The following SUGCT variants were observed in gnomAD, a reference collection of about 807,000 sequenced individuals.
The protein encoded by SUGCT is succinyl-CoA:glutarate CoA-transferase.
A neutral mutation model predicts 55.0 loss-of-function variants in SUGCT; 41 were observed. That is an observed-to-expected ratio of 0.74 (90% CI 0.58 to 0.97). SUGCT has a LOEUF of 0.97. Ranked by LOEUF, SUGCT falls within the 50% of genes least tolerant of loss-of-function variation. The probability of loss-of-function intolerance (pLI) is 0.00; values close to 1 mark genes in which losing one functional copy is unlikely to be tolerated. For synonymous variants in SUGCT, 187 were observed against 200.4 expected (o/e 0.93, Z 0.56); for missense variants, 568 against 547.8 (o/e 1.04, Z -0.37).
intron 9 of SUGCT, among the ~76,000 whole-genome samples, chr7:40,363,537 A>G (rs1046829454): frequency 2.0e-5 from 3 of 152,174 alleles, no homozygotes; most frequent in African/African-American, 7.2e-5. Flanking sequence ...GGTTTCAAAG[A>G]ACATCTTTAT....
chr7:40,685,854 A>G (rs956981529), intron 12 of SUGCT, among the ~76,000 whole-genome samples: 6 of 152,194 alleles, frequency 3.9e-5, no homozygotes, highest in Admixed American at 6.5e-5. Context: ...CCTGGCCAAC[A>G]TAGCAAGACC....
chr7:41,013,768 A>T, the SUGCT span, among the ~76,000 whole-genome samples: 13 of 148,408 alleles, frequency 8.8e-5, no homozygotes, highest in East Asian at 2.6e-3. Context: ...TTTTTTTTTT[A>T]AAGAAAAGAA....
At chr7:40,439,089 TA>T (rs1788351308) in intron 9 of SUGCT, among the ~76,000 whole-genome samples, 1 of 124,330 alleles carries the variant, frequency 8.0e-6, no homozygotes, top group Non-Finnish European at 1.6e-5. Flanking sequence ...TATATATATA[TA>T]TATATATATA....
At chr7:40,329,461 G>T (rs1796192041) in intron 9 of SUGCT, among the ~76,000 whole-genome samples, 1 of 152,146 alleles carries the variant, frequency 6.6e-6, no homozygotes, top group African/African-American at 2.4e-5. Context: ...AGTGAAATAG[G>T]AACATTATAC....
intron 9 of SUGCT, among the ~76,000 whole-genome samples, chr7:40,425,926 G>C (rs1055397839): frequency 2.0e-5 from 3 of 152,094 alleles, no homozygotes; most frequent in African/African-American, 7.2e-5. Context: ...CAGCGCTTCT[G>C]TTTCCTCAAC....
At chr7:40,911,256 A>G in the SUGCT span, among the ~76,000 whole-genome samples, 2 of 152,144 alleles carry the variant, frequency 1.3e-5, no homozygotes, top group Non-Finnish European at 2.9e-5. Context: ...AGCCACCAAA[A>G]GTTGTATCAA....
the SUGCT span, among the ~76,000 whole-genome samples, chr7:40,869,157 A>G: frequency 6.6e-6 from 1 of 152,194 alleles, no homozygotes; most frequent in Non-Finnish European, 1.5e-5. Flanking sequence ...ACACTAAGTA[A>G]GTGCTTCTAT....
intron 12 of SUGCT, among the ~76,000 whole-genome samples, chr7:40,570,860 T>TC (rs1796409698): frequency 7.4e-6 from 1 of 136,020 alleles, no homozygotes; most frequent in African/African-American, 2.9e-5. Context: ...CTTTTTTTTT[T>TC]TTTTTTTTTT....
At chr7:40,625,414 G>T (rs1799481047) in intron 12 of SUGCT, among the ~76,000 whole-genome samples, 1 of 152,070 alleles carries the variant, frequency 6.6e-6, no homozygotes, top group East Asian at 1.9e-4. Context: ...TCTGCCACTG[G>T]AAGGTTCTTC....
At chr7:40,254,243 A>T (rs551590237) in intron 7 of SUGCT, among the ~76,000 whole-genome samples, 30 of 152,294 alleles carry the variant, frequency 2.0e-4, no homozygotes, top group African/African-American at 6.5e-4. Flanking sequence ...ACACATACAC[A>T]CATACACAAT....
the SUGCT span, among the ~76,000 whole-genome samples, chr7:40,947,808 C>G: frequency 3.3e-5 from 5 of 152,210 alleles, no homozygotes; most frequent in Non-Finnish European, 7.3e-5. Context: ...CCAAGAGTCT[C>G]TTCATATGTG....
At chr7:40,362,763 G>A (rs1478362662) in intron 9 of SUGCT, among the ~76,000 whole-genome samples, 1 of 151,850 alleles carries the variant, frequency 6.6e-6, no homozygotes, top group East Asian at 1.9e-4. Flanking sequence ...TGGTTTTTTT[G>A]TATATTCACA....
At chr7:40,676,511 T>G (rs538421319) in intron 12 of SUGCT, among the ~76,000 whole-genome samples, 18 of 150,592 alleles carry the variant, frequency 1.2e-4, no homozygotes, top group South Asian at 2.1e-4. Flanking sequence ...TTTGTTTTTT[T>G]TTTTTTTTTG....
chr7:40,519,196 A>G (rs1053806165), intron 12 of SUGCT, among the ~76,000 whole-genome samples: 1 of 152,114 alleles, frequency 6.6e-6, no homozygotes, highest in Non-Finnish European at 1.5e-5. Flanking sequence ...TGCCATCTCC[A>G]TGAATGACAA....
intron 13 of SUGCT, among the ~76,000 whole-genome samples, chr7:40,842,764 A>G (rs1793339844): frequency 6.6e-6 from 1 of 152,212 alleles, no homozygotes; most frequent in Non-Finnish European, 1.5e-5. Context: ...AGCTGTTAGA[A>G]TGTTTCATTT....
At chr7:40,653,124 G>A (rs1260061782) in intron 12 of SUGCT, among the ~76,000 whole-genome samples, 1 of 152,206 alleles carries the variant, frequency 6.6e-6, no homozygotes, top group African/African-American at 2.4e-5. Context: ...GCATAAGTTA[G>A]TCTCAGCACC....
the SUGCT span, among the ~76,000 whole-genome samples, chr7:40,933,444 G>A: frequency 4.5e-3 from 692 of 152,214 alleles, 2 homozygotes; most frequent in Middle Eastern, 0.017. Context: ...TATCTTTGTG[G>A]CATTCTCTGT....
the SUGCT span, among the ~76,000 whole-genome samples, chr7:40,994,712 G>C: frequency 1.4e-3 from 216 of 152,240 alleles, no homozygotes; most frequent in African/African-American, 4.9e-3. Context: ...AGGGTTGGAG[G>C]TGGGGCCTGG....
chr7:40,997,993 C>T, the SUGCT span, among the ~76,000 whole-genome samples: 57 of 152,210 alleles, frequency 3.7e-4, no homozygotes, highest in African/African-American at 1.3e-3. Context: ...CTCAGTGGTC[C>T]TGGAGTCCAT....
Sources: gnomAD v4.1 joint callset for allele counts (sites outside exome capture counted in the v4.1 genomes callset) on GRCh38, gnomAD v4.1.1 for gene constraint, MANE v1.5 for transcripts, NCBI Gene and HGNC (gene_info 2026-07-23, HGNC 2026-07-21) for gene names.